Variants in CEPT1 observed in about 807,000 individuals in gnomAD.
CEPT1 encodes choline/ethanolamine phosphotransferase 1, also known as choline/ethanolaminephosphotransferase 1.
CEPT1 carries 7 observed loss-of-function variants against 42.6 expected under a neutral mutation model. That is an observed-to-expected ratio of 0.16 (90% CI 0.09 to 0.31). The LOEUF is 0.31. Among genes scored for constraint, CEPT1 ranks in the 10% least tolerant of loss-of-function variants. The pLI is 1.00. For missense variants in CEPT1, 306 were observed against 502.1 expected, an observed-to-expected ratio of 0.61 and a Z score of 3.73; for synonymous variants, 171 against 171.9, an observed-to-expected ratio of 0.99 and a Z score of 0.04.
Position 111,175,694 on chromosome 1 carries a change from A to C in CEPT1, c.714+731A>C, listed in dbSNP as rs141295370. Among the ~76,000 whole-genome samples the C allele has an allele frequency of 2.0e-3, 299 of 152,322 alleles. 1 individual carries two copies. The highest frequency in any genetic ancestry group is 7.0e-3 in the African/African-American group (289 of 41,564). ...AGTTATTTTATGCATTAAAGGAGTT[A>C]ATATATTGTGTAAAGCACTTAGAAT... On this transcript the variant is annotated intron_variant, in intron 5 of 8. Coordinates refer to ENST00000357172, the MANE Select transcript of CEPT1 (RefSeq NM_006090.5).
At chr1:111,183,428 T>A in intron 7 of CEPT1, 34 bp from the exon 8 acceptor site, 1 of 1,608,416 alleles carries the variant, frequency 6.2e-7, no homozygotes, top group Non-Finnish European at 8.5e-7. Flanking sequence ...TGTCCTCTTA[T>A]GAAAATGCCT....
chr1:111,157,081 CT>C lies in CEPT1; in HGVS notation c.340-2297del, dbSNP rs549215010. ...ATTTATTCCTGAATTAGGCTTTCAT[CT>C]TAAAATACCTCTGAGAAGTATAAAA... On this transcript the variant is annotated intron_variant, in intron 2 of 8. Coordinates refer to ENST00000357172, the MANE Select transcript of CEPT1 (RefSeq NM_006090.5). Among the ~76,000 whole-genome samples the C allele has an allele frequency of 2.9e-4, 44 of 152,218 alleles. 1 individual carries two copies. The East Asian group carries it at 8.5e-3, about 29-fold the overall frequency.
In CEPT1 at chr1:111,149,266, C is replaced by CTTTTTTTTTTTTTTTT. The variant is rs775722606; in HGVS notation, c.339+1227_339+1228insTTTTTTTTTTTTTTTT. ...ATAGATGTAAAATCTGGTTTCTCCT[C>CTTTTTTTTTTTTTTTT]TTTTTTTTTTTTTTGAGACAGGGTC... On this transcript the variant is annotated intron_variant, in intron 2 of 8. Coordinates refer to ENST00000357172, the MANE Select transcript of CEPT1 (RefSeq NM_006090.5). Among the ~76,000 whole-genome samples, 495 of 127,778 alleles carry CTTTTTTTTTTTTTTTT rather than the reference C, an allele frequency of 3.9e-3. 42 individuals carry two copies. Among genetic ancestry groups the CTTTTTTTTTTTTTTTT allele is most frequent in the African/African-American group, 0.014 (425 of 31,162 alleles). The allele number at this position is 127,778 out of a possible 152,430, so 83.8% of individuals were successfully genotyped here. A position where few individuals can be genotyped will look rare whatever the true frequency, so the allele number is the denominator to read the frequency against.
intron 4 of CEPT1, chr1:111,173,033 A>G (rs1304745172): frequency 6.6e-6 from 1 of 152,304 alleles, no homozygotes; most frequent in East Asian, 1.9e-4. Flanking sequence ...ATATTCATCC[A>G]TGGTACAAAG....
At chr1:111,162,248 A>T (rs1421213599) in intron 4 of CEPT1, among the ~76,000 whole-genome samples, 1 of 152,264 alleles carries the variant, frequency 6.6e-6, no homozygotes, top group Non-Finnish European at 1.5e-5. Context: ...AAATTGTAGT[A>T]GGCTGTGACA....
Position 111,183,510 on chromosome 1 carries a change from A to T in CEPT1, c.1054A>T (p.Ile352Leu). ...SEMHLHDTAF[I>L]GPALLFLDQY... is the part of the protein sequence containing the mutation. ...AATGCATTTGCATGACACAGCATTC[A>T]TAGGTCCGGCACTTTTGTTTCTGGA... The change falls in exon 8 of 9, where the codon ATA becomes TTA. Residue 352 changes from isoleucine (I) to leucine (L), a missense_variant. Physicochemically the swap from Ile to Leu is conservative, Grantham distance 5. Transcript: ENST00000357172. 6.2e-7 allele frequency: 1 copy of T among 1,613,780 alleles called. No individual in the cohort carries two copies. Among genetic ancestry groups the T allele is most frequent in the South Asian group, 1.1e-5 (1 of 91,082 alleles).
Position 111,183,524 on chromosome 1 carries a change from T to C in CEPT1, c.1068T>C (p.Leu356=), listed in dbSNP as rs1157482658. ...LHDTAFIGPA[L]LFLDQYFNSF... is the part of the protein sequence containing the mutation. ...ACACAGCATTCATAGGTCCGGCACT[T>C]TTGTTTCTGGACCAGTATTTTAACA... The change falls in exon 8 of 9, where the codon CTT becomes CTC. Residue 356 remains leucine, a synonymous_variant. Coordinates refer to ENST00000357172, the MANE Select transcript of CEPT1 (RefSeq NM_006090.5). 2 of 1,613,588 alleles carry C rather than the reference T, an allele frequency of 1.2e-6. No homozygotes were observed. Among genetic ancestry groups the C allele is most frequent in the South Asian group, 2.2e-5 (2 of 91,066 alleles).
chr1:111,143,600 A>G (rs1318488332), intron 1 of CEPT1: 2 of 152,214 alleles, frequency 1.3e-5, no homozygotes, highest in African/African-American at 2.4e-5. Context: ...TAAGCCAGCA[A>G]TAATTTTAAT....
chr1:111,152,809 C>G lies in CEPT1; in HGVS notation c.339+4756C>G, dbSNP rs141379298. Among the ~76,000 whole-genome samples the G allele has an allele frequency of 9.9e-5, 15 of 151,986 alleles. No homozygotes were observed. In the East Asian group the frequency reaches 2.7e-3, roughly 27 times the overall value. On this transcript the variant is annotated intron_variant, in intron 2 of 8. Coordinates refer to ENST00000357172, the MANE Select transcript of CEPT1 (RefSeq NM_006090.5). ...GTAATAAAACTCATATTGTACCTGC[C>G]CATATATATGCCCGCCAAAATCTTA...
chr1:111,154,910 G>C (rs570575518), intron 2 of CEPT1, among the ~76,000 whole-genome samples: 1 of 152,180 alleles, frequency 6.6e-6, no homozygotes, highest in African/African-American at 2.4e-5. Context: ...GAGGATTTTT[G>C]TATCTGTGTT....
intron 5 of CEPT1, among the ~76,000 whole-genome samples, 161 bp downstream of exon 5, chr1:111,175,124 C>T (rs1295957251): frequency 6.6e-6 from 1 of 152,042 alleles, no homozygotes; most frequent in African/African-American, 2.4e-5. Flanking sequence ...AATTTTACTA[C>T]TTGAAGTTAT....
intron 4 of CEPT1, among the ~76,000 whole-genome samples, chr1:111,172,628 T>G (rs945217716): frequency 4.6e-5 from 7 of 152,226 alleles, no homozygotes; most frequent in African/African-American, 1.7e-4. Flanking sequence ...TTCTACCACC[T>G]GTCCCTCTTA....
intron 2 of CEPT1, among the ~76,000 whole-genome samples, chr1:111,153,891 G>T (rs1247006491): frequency 6.6e-6 from 1 of 152,112 alleles, no homozygotes; most frequent in Non-Finnish European, 1.5e-5. Context: ...GTAGTGTGAT[G>T]CCTCCAGCTT....
intron 2 of CEPT1, among the ~76,000 whole-genome samples, chr1:111,156,559 C>G (rs1655584462): frequency 1.3e-5 from 2 of 152,116 alleles, no homozygotes; most frequent in Admixed American, 6.5e-5. Context: ...CTAACGATAG[C>G]TGATGAGCGG....
intron 2 of CEPT1, among the ~76,000 whole-genome samples, chr1:111,150,616 A>T (rs1655216798): frequency 6.6e-6 from 1 of 152,174 alleles, no homozygotes; most frequent in Non-Finnish European, 1.5e-5. Flanking sequence ...AGTATTACGA[A>T]CTTCCCATAT....
intron 6 of CEPT1, 26 bp from the exon 7 acceptor site, chr1:111,182,773 T>C: frequency 1.3e-6 from 2 of 1,594,054 alleles, no homozygotes; most frequent in Non-Finnish European, 1.7e-6. Context: ...CTGAATACTA[T>C]TAACTCTTCT....
chr1:111,140,136 G>GC (rs11423611), upstream of CEPT1: 37,413 of 152,254 alleles, frequency 0.25, 4,972 homozygotes, highest in Non-Finnish European at 0.29. Flanking sequence ...AGACCGGCCG[G>GC]CCCCGGGGCG....
At chr1:111,179,519 C>A (rs1158630408) in intron 5 of CEPT1, 1 of 152,188 alleles carries the variant, frequency 6.6e-6, no homozygotes, top group Non-Finnish European at 1.5e-5. Context: ...TGTGCCTGTT[C>A]TTTTTGACTT....
intron 1 of CEPT1, among the ~76,000 whole-genome samples, chr1:111,146,899 C>T (rs1456379424): frequency 6.6e-6 from 1 of 151,470 alleles, no homozygotes; most frequent in East Asian, 1.9e-4. Flanking sequence ...ACCGAGAATA[C>T]CGTCTATATT....
Sources: allele counts gnomAD v4.1 joint callset (sites outside exome capture counted in the v4.1 genomes callset), GRCh38; gene constraint gnomAD v4.1.1; transcripts MANE v1.5; gene names NCBI Gene and HGNC (gene_info 2026-07-23, HGNC 2026-07-21).